The following KIRREL3 variants were observed in gnomAD, a reference collection of about 807,000 sequenced individuals.
The protein encoded by KIRREL3 is kirre like nephrin family adhesion molecule 3.
KIRREL3 carries 36 observed loss-of-function variants against 89.7 expected under a neutral mutation model. That is an observed-to-expected ratio of 0.40 (90% CI 0.31 to 0.53). The LOEUF (loss-of-function observed/expected upper bound fraction) is 0.53, where lower values mean the gene tolerates loss of function less well. Ranked by LOEUF, KIRREL3 falls within the 20% of genes least tolerant of loss-of-function variation. The pLI is 0.49. For missense variants in KIRREL3, 864 were observed against 1,056.6 expected (o/e 0.82, Z 2.53); for synonymous variants, 445 against 441.4 (o/e 1.01, Z -0.10).
At chr11:126,779,180 A>G (rs1345717841) in intron 1 of KIRREL3, among the ~76,000 whole-genome samples, 1 of 152,184 alleles carries the variant, frequency 6.6e-6, no homozygotes, top group African/African-American at 2.4e-5. Flanking sequence ...GGTGCTCCTC[A>G]TTGTCCATAC....
At chr11:126,599,234 C>T (rs1419991253) in intron 1 of KIRREL3, among the ~76,000 whole-genome samples, 1 of 152,194 alleles carries the variant, frequency 6.6e-6, no homozygotes, top group Non-Finnish European at 1.5e-5. Context: ...TCTGTTAAGA[C>T]ATCCCAGAAG....
chr11:126,446,283 C>CTTTCTTTCTTTCTCTCTCTCTCT (rs1565457748), intron 9 of KIRREL3, among the ~76,000 whole-genome samples: 34 of 116,518 alleles, frequency 2.9e-4, no homozygotes, highest in Admixed American at 9.9e-4. Context: ...TCTTTTCTTT[C>CTTTCTTTCTTTCTCTCTCTCTCT]TCCTTTCTTT....
At chr11:126,507,902 C>T (rs1335707715) in intron 4 of KIRREL3, among the ~76,000 whole-genome samples, 7 of 152,196 alleles carry the variant, frequency 4.6e-5, no homozygotes, top group Non-Finnish European at 7.3e-5. Context: ...GCCCATGCCT[C>T]GTGCTGCCTC....
At chr11:126,512,236 C>G (rs1435726833) in intron 4 of KIRREL3, among the ~76,000 whole-genome samples, 1 of 152,260 alleles carries the variant, frequency 6.6e-6, no homozygotes, top group Non-Finnish European at 1.5e-5. Context: ...GACTGATCCC[C>G]TGACCGGATG....
intron 1 of KIRREL3, among the ~76,000 whole-genome samples, chr11:126,889,113 G>T (rs190665424): frequency 6.6e-6 from 1 of 152,124 alleles, no homozygotes; most frequent in African/African-American, 2.4e-5. Flanking sequence ...GGGTTCTGCC[G>T]TGTGTACACT....
Position 126,748,857 on chromosome 11 carries a change from A to G in KIRREL3, c.56-185945T>C, listed in dbSNP as rs1170326796. 1.3e-5 allele frequency among the ~76,000 whole-genome samples: 2 copies of G among 152,054 alleles called. No homozygotes were observed. The highest frequency in any genetic ancestry group is 4.8e-5 in the African/African-American group (2 of 41,382). On this transcript the variant is annotated intron_variant, in intron 1 of 16. Transcript: ENST00000525144. The surrounding 1 kb of genome is among the most constrained non-coding windows in gnomAD (Gnocchi z 4.6). ...TGTGTTGTTGAAACGAGCTTCTTTG[A>G]TTTACTCAGTGTATTTACCAAGCAA...
intron 1 of KIRREL3, among the ~76,000 whole-genome samples, chr11:126,974,391 AC>A (rs1949511143): frequency 6.6e-6 from 1 of 152,102 alleles, no homozygotes; most frequent in South Asian, 2.1e-4. Context: ...GAGTACACTT[AC>A]ACCAACTTAG....
rs1477523672 is a variant in KIRREL3, at chr11:126,542,146, C to T, written c.134-15459G>A. ...ACGGTGTGAAAGCAGGCCCACCCGG[C>T]GTGCACTGAGTGACTCAGGCAGGCT... On this transcript the variant is annotated intron_variant, in intron 2 of 16. Transcript: ENST00000525144. Among the ~76,000 whole-genome samples, 6 of 152,226 alleles carry T rather than the reference C, an allele frequency of 3.9e-5. No individual in the cohort carries two copies. In the East Asian group the frequency reaches 5.8e-4, roughly 15 times the overall value.
At position 126,462,205 on chromosome 11, in the gene KIRREL3, C is replaced by T. The variant is rs567315891; in HGVS notation, c.742+952G>A. Among the ~76,000 whole-genome samples the T allele has an allele frequency of 2.0e-3, 303 of 152,164 alleles. 1 individual carries two copies. Among genetic ancestry groups the T allele is most frequent in the Middle Eastern group, 0.014 (4 of 294 alleles). On this transcript the variant is annotated intron_variant, in intron 6 of 16. Coordinates refer to ENST00000525144, the MANE Select transcript of KIRREL3 (RefSeq NM_032531.4). The surrounding 1 kb of genome is among the most constrained non-coding windows in gnomAD (Gnocchi z 4.8). Reference sequence around the variant, plus strand: ...ATAACTGTCAACATGAATCCTAACACGGGCCACCGAGGGCTGGCTGGGCAG... The same window carrying T: ...ATAACTGTCAACATGAATCCTAACATGGGCCACCGAGGGCTGGCTGGGCAG...
rs912394186 is a variant in KIRREL3 at position 126,535,685 on chromosome 11, C to T, written c.134-8998G>A. Among the ~76,000 whole-genome samples, 2 of 152,168 alleles carry T rather than the reference C, an allele frequency of 1.3e-5. No homozygotes were observed. The highest frequency in any genetic ancestry group is 2.4e-5 in the African/African-American group (1 of 41,444). On this transcript the variant is annotated intron_variant, in intron 2 of 16. Coordinates refer to ENST00000525144, the MANE Select transcript of KIRREL3 (RefSeq NM_032531.4). The surrounding 1 kb of genome is among the most constrained non-coding windows in gnomAD (Gnocchi z 4.5). ...TGCTGCTTCTATTCCTTATCAAGCACTTAAGATTTTGGTTGAGGGCTGGGC... is the reference window on the plus strand; with the variant it reads ...TGCTGCTTCTATTCCTTATCAAGCATTTAAGATTTTGGTTGAGGGCTGGGC...
chr11:126,616,698 A>G (rs560497862), intron 1 of KIRREL3, among the ~76,000 whole-genome samples: 11 of 152,204 alleles, frequency 7.2e-5, no homozygotes, highest in Non-Finnish European at 1.5e-4. Flanking sequence ...TTGAGGTTTC[A>G]TGGTATGATC....
rs1955133068 is a variant in KIRREL3 at position 126,431,595 on chromosome 11, C to T, written c.1589-69G>A. 1 of 1,468,012 alleles carries T rather than the reference C, an allele frequency of 6.8e-7. No homozygotes were observed. The highest frequency in any genetic ancestry group is 2.3e-5 in the East Asian group (1 of 42,560). 90.9% of individuals were successfully genotyped at this position (1,468,012 alleles called of 1,614,324 possible). On this transcript the variant is annotated intron_variant, in intron 13 of 16. Transcript: ENST00000525144. The surrounding 1 kb of genome is among the most constrained non-coding windows in gnomAD (Gnocchi z 7.1). ...GCCTACTATCCCCCCATGATCTCAC[C>T]CCGTTCCTGCGGGGGCAGCCCCTGC... is the stretch of plus-strand genomic sequence containing the variant.
At position 126,515,149 on chromosome 11, in the gene KIRREL3, C is replaced by T. The variant is rs1020011848; in HGVS notation, c.433+6166G>A. Among the ~76,000 whole-genome samples, 3 of 152,112 alleles carry T rather than the reference C, an allele frequency of 2.0e-5. No homozygotes were observed. Among genetic ancestry groups the T allele is most frequent in the African/African-American group, 4.8e-5 (2 of 41,416 alleles). ...TCAAGGTGCATAAGGAGGCTGGGCG[C>T]GATGGCTCACGCCTGTAATCTCAGC... On this transcript the variant is annotated intron_variant, in intron 4 of 16. Coordinates refer to ENST00000525144, the MANE Select transcript of KIRREL3 (RefSeq NM_032531.4). This position sits in a 1 kb window ranked among gnomAD's most constrained non-coding sequence, Gnocchi z 4.2.
chr11:126,495,246 T>C lies in KIRREL3; in HGVS notation c.434-21780A>G, dbSNP rs1358208211. ...TTCCTTGCCTTTCAGGAACTCCCAG[T>C]GGCTTTCCCTTGTTTGCAGAGTGCA... On this transcript the variant is annotated intron_variant, in intron 4 of 16. Transcript: ENST00000525144. The surrounding 1 kb of genome is among the most constrained non-coding windows in gnomAD (Gnocchi z 6.5). 6.6e-6 allele frequency among the ~76,000 whole-genome samples: 1 copy of C among 152,180 alleles called. No homozygotes were observed. The highest frequency in any genetic ancestry group is 2.1e-4 in the South Asian group (1 of 4,830).
chr11:126,630,199 T>A (rs1175171942), intron 1 of KIRREL3, among the ~76,000 whole-genome samples: 1 of 152,190 alleles, frequency 6.6e-6, no homozygotes, highest in Non-Finnish European at 1.5e-5. Flanking sequence ...ATGATAGTCT[T>A]TGGACTTCTC....
In KIRREL3 at chr11:126,568,877, G is replaced by A. The variant is rs949795393; in HGVS notation, c.56-5965C>T. 6.6e-6 allele frequency among the ~76,000 whole-genome samples: 1 copy of A among 152,038 alleles called. No individual in the cohort carries two copies. The highest frequency in any genetic ancestry group is 1.5e-5 in the Non-Finnish European group (1 of 68,012). ...ATGAAAGTGGAGATGCAGAGAGGTG[G>A]AGTGAGCTCTCCAGGGTGATATAAT... On this transcript the variant is annotated intron_variant, in intron 1 of 16. Coordinates refer to ENST00000525144, the MANE Select transcript of KIRREL3 (RefSeq NM_032531.4). This position sits in a 1 kb window ranked among gnomAD's most constrained non-coding sequence, Gnocchi z 4.6.
At chr11:126,435,560 G>A (rs1177249339) in intron 12 of KIRREL3, among the ~76,000 whole-genome samples, 1 of 152,042 alleles carries the variant, frequency 6.6e-6, no homozygotes, top group Non-Finnish European at 1.5e-5. Flanking sequence ...GAGAACACTC[G>A]GGGGAGGGCA....
intron 1 of KIRREL3, among the ~76,000 whole-genome samples, chr11:126,630,995 C>T (rs762048036): frequency 4.6e-5 from 7 of 152,214 alleles, no homozygotes; most frequent in Non-Finnish European, 8.8e-5. Flanking sequence ...AAAGTGTCAG[C>T]TTCCATCCCT....
In KIRREL3 at chr11:126,943,321, C is replaced by T. The variant is rs1259310557; in HGVS notation, c.55+57134G>A. Among the ~76,000 whole-genome samples the T allele has an allele frequency of 1.3e-5, 2 of 152,100 alleles. No individual in the cohort carries two copies. The highest frequency in any genetic ancestry group is 2.4e-5 in the African/African-American group (1 of 41,426). ...TTCCAGGGAGGAGTGGAGGGAGACT[C>T]CATCTCCACCACGGAACGCCTTACT... is the stretch of plus-strand genomic sequence containing the variant. On this transcript the variant is annotated intron_variant, in intron 1 of 16. Coordinates refer to ENST00000525144, the MANE Select transcript of KIRREL3 (RefSeq NM_032531.4). This position sits in a 1 kb window ranked among gnomAD's most constrained non-coding sequence, Gnocchi z 4.2.
Sources: allele counts gnomAD v4.1 joint callset (sites outside exome capture counted in the v4.1 genomes callset), GRCh38; gene constraint gnomAD v4.1.1; non-coding constraint Gnocchi (gnomAD v3.1); transcripts MANE v1.5; gene names NCBI Gene and HGNC (gene_info 2026-07-23, HGNC 2026-07-21).